ST6GALNAC3: variants seen among roughly 807,000 people sequenced by gnomAD.
ST6GALNAC3 encodes ST6 N-acetylgalactosaminide alpha-2,6-sialyltransferase 3.
In ST6GALNAC3, 25 loss-of-function variants were observed where a neutral mutation model predicts 32.7. That is an observed-to-expected ratio of 0.76 (90% confidence interval 0.56 to 1.07). The LOEUF (loss-of-function observed/expected upper bound fraction) is 1.07, where lower values mean the gene tolerates loss of function less well. ST6GALNAC3 is among the 50% of genes least tolerant of loss of function. ST6GALNAC3 has a pLI of 0.00. For missense variants in ST6GALNAC3, 355 were observed against 382.4 expected, an observed-to-expected ratio of 0.93 and a Z score of 0.60; for synonymous variants, 129 against 133.1, an observed-to-expected ratio of 0.97 and a Z score of 0.21.
In ST6GALNAC3 at chr1:76,628,621, A is replaced by T; in HGVS notation, c.733A>T (p.Thr245Ser). The T allele has an allele frequency of 6.3e-7, 1 of 1,593,410 alleles. No homozygotes were observed. Among genetic ancestry groups the T allele is most frequent in the Non-Finnish European group, 8.5e-7 (1 of 1,174,082 alleles). The change falls in exon 5 of 5, where the codon ACA (threonine) becomes TCA (serine). Residue 245 changes from threonine to serine, a missense_variant and splice_region_variant. By Grantham distance (58) the Thr-to-Ser change is moderately conservative (BLOSUM62 1). Transcript: ENST00000328299. The stretch of plus-strand genomic sequence containing the variant: ...CTTTTCTTTTTTTTTCTTTTCTAGG[A>T]CAGAAGGGTATAGAAAAGTCCCCTA... ...YGMINDTYCK[T>S]EGYRKVPYHY...
chr1:76,464,641 A>G (rs1040194919), intron 3 of ST6GALNAC3, among the ~76,000 whole-genome samples: 15 of 152,242 alleles, frequency 9.9e-5, no homozygotes, highest in Admixed American at 9.8e-4. Context: ...GGCAACAGCA[A>G]TAGCTGAGTA....
chr1:76,218,336 C>T lies in ST6GALNAC3; in HGVS notation c.19-95469C>T, dbSNP rs114004094. 6.1e-3 allele frequency among the ~76,000 whole-genome samples: 923 copies of T among 152,316 alleles called. 12 individuals are homozygous for T. Among genetic ancestry groups the T allele is most frequent in the African/African-American group, 0.02 (846 of 41,580 alleles). On this transcript the variant is annotated intron_variant, in intron 1 of 4. Transcript: ENST00000328299. Reference sequence around the variant, plus strand: ...CAGCCTTTCCAGAGGAGGCAGCCTCCTGCCCATGTCAAAGACCTTGGAGGC... The same window carrying T: ...CAGCCTTTCCAGAGGAGGCAGCCTCTTGCCCATGTCAAAGACCTTGGAGGC...
intron 3 of ST6GALNAC3, among the ~76,000 whole-genome samples, chr1:76,552,763 C>T (rs1304136127): frequency 6.6e-6 from 1 of 152,096 alleles, no homozygotes. Context: ...TGACTAAGAA[C>T]TCCTAACAGC....
intron 2 of ST6GALNAC3, among the ~76,000 whole-genome samples, chr1:76,333,682 C>T (rs1206149771): frequency 6.6e-6 from 1 of 152,160 alleles, no homozygotes; most frequent in Non-Finnish European, 1.5e-5. Flanking sequence ...TTTCCTTTCA[C>T]TTCTTTCTAT....
intron 1 of ST6GALNAC3, among the ~76,000 whole-genome samples, chr1:76,287,407 A>ACT (rs1659845697): frequency 1.5e-5 from 1 of 67,554 alleles, no homozygotes. Context: ...TTTTTTTTGC[A>ACT]TTTGATGGCA....
Position 76,630,083 on chromosome 1 carries a change from G to T in ST6GALNAC3, c.*1277G>T, listed in dbSNP as rs1649214407. The T allele has an allele frequency of 6.1e-6, 6 of 985,204 alleles. No individual in the cohort carries two copies. Among genetic ancestry groups the T allele is most frequent in the Non-Finnish European group, 7.2e-6 (6 of 829,832 alleles). 61.0% of individuals were successfully genotyped at this position (985,204 alleles called of 1,614,324 possible). A position where few individuals can be genotyped will look rare whatever the true frequency, so the allele number is the denominator to read the frequency against. ...CCCTTGAACACCCCATTGGGCTATT[G>T]TCTGTGTATTCTGCTCTCTTTAGCA... On this transcript the variant is annotated 3_prime_UTR_variant, in exon 5 of 5. Coordinates refer to ENST00000328299, the MANE Select transcript of ST6GALNAC3 (RefSeq NM_152996.4).
At chr1:76,204,857 AC>A (rs1654732821) in intron 1 of ST6GALNAC3, among the ~76,000 whole-genome samples, 1 of 152,216 alleles carries the variant, frequency 6.6e-6, no homozygotes, top group African/African-American at 2.4e-5. Context: ...TCATCTGAGT[AC>A]CAATAGCCTT....
At chr1:76,413,076 C>G (rs995201855) in intron 3 of ST6GALNAC3, 1 of 272,554 alleles carries the variant, frequency 3.7e-6, no homozygotes, top group African/African-American at 2.3e-5. Context: ...TTTTCTGTAG[C>G]ATTCTGTAAA....
At chr1:76,130,016 G>T (rs1191858427) in intron 1 of ST6GALNAC3, among the ~76,000 whole-genome samples, 1 of 152,134 alleles carries the variant, frequency 6.6e-6, no homozygotes, top group Non-Finnish European at 1.5e-5. Context: ...ATTTGAGATG[G>T]GATTCCATGA....
At chr1:76,075,603 G>A (rs558788560) in intron 1 of ST6GALNAC3, among the ~76,000 whole-genome samples, 1 of 152,144 alleles carries the variant, frequency 6.6e-6, no homozygotes, top group Non-Finnish European at 1.5e-5. Context: ...CCTCACCTGA[G>A]CATCTTTCTG....
chr1:76,100,045 AATTTT>A (rs1647192647), intron 1 of ST6GALNAC3, among the ~76,000 whole-genome samples: 1 of 152,094 alleles, frequency 6.6e-6, no homozygotes, highest in Non-Finnish European at 1.5e-5. Flanking sequence ...AATTAAATTT[AATTTT>A]GTTTATAGCT....
At chr1:76,249,516 C>CT (rs1657492758) in intron 1 of ST6GALNAC3, among the ~76,000 whole-genome samples, 2 of 151,798 alleles carry the variant, frequency 1.3e-5, no homozygotes, top group Non-Finnish European at 1.5e-5. Context: ...GTTACCATAT[C>CT]TTTTTTTTCT....
Position 76,313,989 on chromosome 1 carries a change from A to C in ST6GALNAC3, c.203A>C (p.Lys68Thr). ...LRTHYGYINVKTQEPLQLDCD... is the reference protein window; with the variant it reads ...LRTHYGYINVTTQEPLQLDCD... ...ACTCACTATGGATACATAAATGTGA[A>C]GACACAAGAGGTAAGATCCCAGAGG... The change falls in exon 2 of 5, where the codon AAG becomes ACG. Residue 68 changes from lysine (K) to threonine (T), a missense_variant. Lys to Thr is a moderately conservative substitution (Grantham distance 78, BLOSUM62 -1). Coordinates refer to ENST00000328299, the MANE Select transcript of ST6GALNAC3 (RefSeq NM_152996.4). The C allele has an allele frequency of 6.2e-7, 1 of 1,612,158 alleles. No homozygotes were observed. Among genetic ancestry groups the C allele is most frequent in the Non-Finnish European group, 8.5e-7 (1 of 1,179,054 alleles).
chr1:76,613,341 C>A (rs1570448711), intron 3 of ST6GALNAC3, among the ~76,000 whole-genome samples: 1 of 152,110 alleles, frequency 6.6e-6, no homozygotes, highest in African/African-American at 2.4e-5. Flanking sequence ...ATTCTCCTTC[C>A]TGTGGCATAC....
At chr1:76,586,767 A>G (rs1275938545) in intron 3 of ST6GALNAC3, among the ~76,000 whole-genome samples, 1 of 152,198 alleles carries the variant, frequency 6.6e-6, no homozygotes, top group Non-Finnish European at 1.5e-5. Context: ...CATGCTATTT[A>G]CCGTCTTTGT....
intron 3 of ST6GALNAC3, among the ~76,000 whole-genome samples, chr1:76,534,335 G>A (rs796765383): frequency 6.6e-5 from 10 of 152,224 alleles, no homozygotes; most frequent in African/African-American, 2.4e-4. Context: ...GAACCACCAT[G>A]CCTGGCCCAG....
intron 3 of ST6GALNAC3, among the ~76,000 whole-genome samples, chr1:76,584,609 C>T (rs1190246285): frequency 1.3e-5 from 2 of 152,134 alleles, no homozygotes; most frequent in African/African-American, 2.4e-5. Context: ...CTAGCAGCAG[C>T]TTCAGATATG....
At chr1:76,567,988 T>G (rs1476898392) in intron 3 of ST6GALNAC3, among the ~76,000 whole-genome samples, 1 of 152,138 alleles carries the variant, frequency 6.6e-6, no homozygotes, top group African/African-American at 2.4e-5. Context: ...CTATGTTGAT[T>G]TCTTATGACA....
chr1:76,360,453 A>G (rs1442015586), intron 2 of ST6GALNAC3, among the ~76,000 whole-genome samples: 2 of 152,158 alleles, frequency 1.3e-5, no homozygotes, highest in Non-Finnish European at 2.9e-5. Flanking sequence ...TAAGCTGTAT[A>G]CCTAACCAGT....
Sources: allele counts gnomAD v4.1 joint callset (sites outside exome capture counted in the v4.1 genomes callset), GRCh38; gene constraint gnomAD v4.1.1; transcripts MANE v1.5; gene names NCBI Gene and HGNC (gene_info 2026-07-23, HGNC 2026-07-21).